GNAQ: variants seen among roughly 807,000 people sequenced by gnomAD.
GNAQ encodes guanine nucleotide-binding protein G(q) subunit alpha.
Under a neutral mutation model 43.9 loss-of-function variants are expected in GNAQ, and 8 were observed. The ratio of observed to expected loss-of-function variants is 0.18; its 90% CI spans 0.11 to 0.33. The LOEUF (loss-of-function observed/expected upper bound fraction) is 0.33, where lower values mean the gene tolerates loss of function less well. Among genes scored for constraint, GNAQ ranks in the 10% least tolerant of loss-of-function variants. GNAQ has a pLI of 1.00. For synonymous variants in GNAQ, 155 were observed against 170.7 expected, an observed-to-expected ratio of 0.91 and a Z score of 0.71; for missense variants, 158 against 450.8, an observed-to-expected ratio of 0.35 and a Z score of 5.88.
At chr9:77,922,120 G>A in intron 2 of GNAQ, 41 bp downstream of exon 2, 1 of 1,413,842 alleles carries the variant, frequency 7.1e-7, no homozygotes, top group Non-Finnish European at 9.9e-7. Context: ...GTGAACACCT[G>A]GAACATTCAG....
intron 1 of GNAQ, among the ~76,000 whole-genome samples, chr9:77,952,097 T>C (rs987714552): frequency 6.6e-6 from 1 of 152,234 alleles, no homozygotes; most frequent in East Asian, 1.9e-4. Context: ...AAACATTTCC[T>C]GGGAAGCCTG....
At chr9:77,788,517 T>C (rs1395875782) in intron 5 of GNAQ, among the ~76,000 whole-genome samples, 1 of 152,176 alleles carries the variant, frequency 6.6e-6, no homozygotes, top group Non-Finnish European at 1.5e-5. Context: ...TGCCTAGGAA[T>C]GATAAATGCC....
At chr9:77,741,651 T>C (rs940358958) in intron 5 of GNAQ, among the ~76,000 whole-genome samples, 2 of 152,216 alleles carry the variant, frequency 1.3e-5, no homozygotes, top group Non-Finnish European at 1.5e-5. Context: ...ATGTAAAAAA[T>C]GCCTTTCCAG....
chr9:78,005,983 A>C (rs1823701951), intron 1 of GNAQ, among the ~76,000 whole-genome samples: 1 of 152,222 alleles, frequency 6.6e-6, no homozygotes, highest in African/African-American at 2.4e-5. Flanking sequence ...AATGCTGCCA[A>C]CAACCAGTTG....
chr9:77,891,869 G>A (rs928402170), intron 2 of GNAQ, among the ~76,000 whole-genome samples: 1 of 152,136 alleles, frequency 6.6e-6, no homozygotes, highest in Non-Finnish European at 1.5e-5. Context: ...TAGACTCTAA[G>A]CAACTAATCC....
chr9:77,826,136 A>G (rs1194886370), intron 2 of GNAQ, among the ~76,000 whole-genome samples: 1 of 152,228 alleles, frequency 6.6e-6, no homozygotes, highest in Non-Finnish European at 1.5e-5. Flanking sequence ...ATTGTCAAGA[A>G]TAATGAGAGA....
chr9:77,940,951 G>A (rs1366672079), intron 1 of GNAQ, among the ~76,000 whole-genome samples: 9 of 150,294 alleles, frequency 6.0e-5, no homozygotes, highest in South Asian at 2.1e-4. Flanking sequence ...GCGACAGAGC[G>A]AGACTCCGTC....
chr9:78,028,781 C>T lies in GNAQ; in HGVS notation c.136+2319G>A, dbSNP rs556178962. ...CTCAAATGAAATCCCTCCCTAATAT[C>T]TTCCTTGTTGAAATCAACCGTCCTG... On this transcript the variant is annotated intron_variant, in intron 1 of 6. Transcript: ENST00000286548. Among the ~76,000 whole-genome samples the T allele has an allele frequency of 4.6e-5, 7 of 152,284 alleles. No homozygotes were observed. In the South Asian group the frequency reaches 1.5e-3, roughly 32 times the overall value.
chr9:77,819,593 C>T (rs1041020306), intron 2 of GNAQ, among the ~76,000 whole-genome samples: 1 of 151,982 alleles, frequency 6.6e-6, no homozygotes, highest in Non-Finnish European at 1.5e-5. Context: ...GCTTATTAGG[C>T]CTGCTCTGTC....
intron 2 of GNAQ, among the ~76,000 whole-genome samples, chr9:77,875,977 C>T (rs1381361485): frequency 2.0e-5 from 3 of 152,128 alleles, no homozygotes; most frequent in African/African-American, 4.8e-5. Flanking sequence ...TGCCCACATA[C>T]CACCTGCACA....
intron 1 of GNAQ, among the ~76,000 whole-genome samples, chr9:78,008,619 C>CATTTT (rs1313513141): frequency 4.9e-5 from 5 of 103,028 alleles, no homozygotes; most frequent in South Asian, 3.2e-4. Context: ...CATTTCATTT[C>CATTTT]ATTTTATTTT....
At position 77,917,444 on chromosome 9, in the gene GNAQ, T is replaced by C. The variant is rs137982451; in HGVS notation, c.321+4717A>G. Among the ~76,000 whole-genome samples the C allele has an allele frequency of 4.8e-3, 724 of 152,060 alleles. 5 individuals carry two copies. The highest frequency in any genetic ancestry group is 0.017 in the African/African-American group (693 of 41,474). On this transcript the variant is annotated intron_variant, in intron 2 of 6. Transcript: ENST00000286548. ...AGTACCTGAGTGACAAAATAATCTG[T>C]ACACCAAACCCCCATGACACGAGTT...
chr9:77,890,340 G>C (rs560366429), intron 2 of GNAQ, among the ~76,000 whole-genome samples: 1 of 152,266 alleles, frequency 6.6e-6, no homozygotes, highest in South Asian at 2.1e-4. Context: ...GCCTAAGAAA[G>C]CTTTAGTAGC....
At chr9:77,952,850 A>T (rs1030482842) in intron 1 of GNAQ, among the ~76,000 whole-genome samples, 1 of 152,234 alleles carries the variant, frequency 6.6e-6, no homozygotes, top group South Asian at 2.1e-4. Flanking sequence ...ACTCATACCA[A>T]GACAAGAATG....
At chr9:77,839,616 G>A (rs544389350) in intron 2 of GNAQ, among the ~76,000 whole-genome samples, 1 of 152,332 alleles carries the variant, frequency 6.6e-6, no homozygotes, top group South Asian at 2.1e-4. Context: ...AGCAGCATGG[G>A]CTGCCTGCCC....
At chr9:77,777,093 C>T (rs1263010686) in intron 5 of GNAQ, among the ~76,000 whole-genome samples, 1 of 152,056 alleles carries the variant, frequency 6.6e-6, no homozygotes, top group Non-Finnish European at 1.5e-5. Context: ...TTCACGATCA[C>T]CTGGTTTTCA....
intron 2 of GNAQ, among the ~76,000 whole-genome samples, chr9:77,890,750 C>G (rs551293321): frequency 6.6e-6 from 1 of 152,278 alleles, no homozygotes; most frequent in South Asian, 2.1e-4. Flanking sequence ...GCTCTAGTAA[C>G]AAAAATTCCA....
In GNAQ at chr9:78,031,684, C is replaced by G. The variant is rs1344567716; in HGVS notation, c.-449G>C. Among the ~76,000 whole-genome samples the G allele has an allele frequency of 6.8e-6, 1 of 147,526 alleles. No homozygotes were observed. Among genetic ancestry groups the G allele is most frequent in the African/African-American group, 2.4e-5 (1 of 40,926 alleles). On this transcript the variant is annotated 5_prime_UTR_variant, in exon 1 of 7. Transcript: ENST00000286548. ...GGGTGTCCCCGCAGCGAGCGGCCGC[C>G]GACGGCTCCCCGCGCCCGGCGCGCC... is the stretch of plus-strand genomic sequence containing the variant.
intron 5 of GNAQ, among the ~76,000 whole-genome samples, chr9:77,789,508 T>C (rs1826533381): frequency 1.3e-5 from 2 of 152,190 alleles, no homozygotes; most frequent in South Asian, 2.1e-4. Flanking sequence ...AAAAGTATCA[T>C]TTAAATTATT....
Sources: gnomAD v4.1 joint callset for allele counts (sites outside exome capture counted in the v4.1 genomes callset) on GRCh38, gnomAD v4.1.1 for gene constraint, MANE v1.5 for transcripts, NCBI Gene and HGNC (gene_info 2026-07-23, HGNC 2026-07-21) for gene names.